The following TENM4 variants were observed in gnomAD, a reference collection of about 807,000 sequenced individuals.
TENM4 encodes teneurin transmembrane protein 4.
A neutral mutation model predicts 243.3 loss-of-function variants in TENM4; 82 were observed. The observed-to-expected ratio is 0.34, with a 90% CI of 0.28 to 0.40. The LOEUF (loss-of-function observed/expected upper bound fraction) is 0.40, where lower values mean the gene tolerates loss of function less well. TENM4 is among the 10% of genes least tolerant of loss of function. The pLI is 1.00. For synonymous variants in TENM4, 1,412 were observed against 1,456.3 expected (o/e 0.97, Z 0.69); for missense variants, 3,138 against 3,673.3 (o/e 0.85, Z 3.77).
At chr11:79,303,515 C>T (rs941126802) in intron 1 of TENM4, among the ~76,000 whole-genome samples, 16 of 152,312 alleles carry the variant, frequency 1.1e-4, no homozygotes, top group Middle Eastern at 3.4e-3. Flanking sequence ...GTGTGCCAGA[C>T]ATTGTCCTAA....
At chr11:78,823,083 C>A (rs1465422610) in intron 12 of TENM4, among the ~76,000 whole-genome samples, 1 of 152,206 alleles carries the variant, frequency 6.6e-6, no homozygotes, top group Non-Finnish European at 1.5e-5. Flanking sequence ...AGCGGTGCCC[C>A]GTGAGCACGT....
intron 1 of TENM4, among the ~76,000 whole-genome samples, chr11:79,354,141 G>T (rs1170224272): frequency 6.6e-6 from 1 of 152,208 alleles, no homozygotes; most frequent in Non-Finnish European, 1.5e-5. Flanking sequence ...AAGTTAAAAA[G>T]TGAAAGCTAC....
At chr11:79,138,764 A>G in intron 4 of TENM4, among the ~76,000 whole-genome samples, 3 of 113,484 alleles carry the variant, frequency 2.6e-5, no homozygotes, top group Non-Finnish European at 4.9e-5. Flanking sequence ...ATTTATATAA[A>G]TACATAAAAC....
intron 3 of TENM4, among the ~76,000 whole-genome samples, chr11:79,177,022 C>A (rs1418776476): frequency 6.6e-6 from 1 of 152,142 alleles, no homozygotes; most frequent in South Asian, 2.1e-4. Context: ...TAACCATACC[C>A]CTGACAGACT....
At chr11:78,992,899 A>G (rs537702174) in intron 6 of TENM4, among the ~76,000 whole-genome samples, 3 of 152,290 alleles carry the variant, frequency 2.0e-5, no homozygotes, top group Admixed American at 6.5e-5. Context: ...CACTCAATAA[A>G]TTGTGGTTTT....
At chr11:79,108,359 G>A (rs149169270) in intron 4 of TENM4, among the ~76,000 whole-genome samples, 23 of 152,294 alleles carry the variant, frequency 1.5e-4, no homozygotes, top group African/African-American at 5.3e-4. Context: ...CTTCAAGACT[G>A]CAGCATCAAC....
chr11:79,399,503 G>C (rs1190446717), intron 1 of TENM4, among the ~76,000 whole-genome samples: 1 of 152,162 alleles, frequency 6.6e-6, no homozygotes, highest in Admixed American at 6.5e-5. Flanking sequence ...GAATTTGAGA[G>C]GAGACCCTAA....
intron 2 of TENM4, among the ~76,000 whole-genome samples, chr11:79,283,693 C>T (rs1856199579): frequency 6.6e-6 from 1 of 152,130 alleles, no homozygotes. Context: ...GAATACTGTA[C>T]TGGAGGTTCT....
At chr11:79,234,320 A>G (rs771163538) in intron 2 of TENM4, among the ~76,000 whole-genome samples, 4 of 152,222 alleles carry the variant, frequency 2.6e-5, no homozygotes, top group Non-Finnish European at 5.9e-5. Context: ...CCTGAAAGCT[A>G]TAGAAAAAGC....
chr11:78,882,526 T>C (rs1005973896), intron 9 of TENM4, among the ~76,000 whole-genome samples: 3 of 152,286 alleles, frequency 2.0e-5, no homozygotes, highest in African/African-American at 7.2e-5. Flanking sequence ...CAAGAGGAGA[T>C]GGGGGAGTGA....
chr11:79,292,788 T>C (rs1263765743), intron 2 of TENM4, among the ~76,000 whole-genome samples: 1 of 152,280 alleles, frequency 6.6e-6, no homozygotes, highest in African/African-American at 2.4e-5. Context: ...TTAAGGTCTT[T>C]TCTTTAGTGT....
Position 79,115,096 on chromosome 11 carries a change from A to G in TENM4, c.-66+33614T>C, listed in dbSNP as rs1591293657. ...GGAGGGCTATGAAGAAAAATAAAGT[A>G]GGAAAGGGAGATAGTGAGGGCTGGT... On this transcript the variant is annotated intron_variant, in intron 4 of 33. Coordinates refer to ENST00000278550, the MANE Select transcript of TENM4 (RefSeq NM_001098816.3). Among the ~76,000 whole-genome samples, 3 of 152,182 alleles carry G rather than the reference A, an allele frequency of 2.0e-5. No homozygotes were observed. In the South Asian group the frequency reaches 6.2e-4, roughly 32 times the overall value.
chr11:79,176,580 T>C (rs1035015342), intron 3 of TENM4, among the ~76,000 whole-genome samples: 1 of 152,238 alleles, frequency 6.6e-6, no homozygotes, highest in Non-Finnish European at 1.5e-5. Context: ...TTCTCAATAG[T>C]ACTTTTAATT....
intron 3 of TENM4, among the ~76,000 whole-genome samples, chr11:79,213,225 T>G (rs776181533): frequency 6.6e-6 from 1 of 152,152 alleles, no homozygotes; most frequent in Non-Finnish European, 1.5e-5. Flanking sequence ...AATAGTAGCA[T>G]GTAAGCAAGT....
At chr11:79,399,912 A>T (rs2135554038) in intron 1 of TENM4, among the ~76,000 whole-genome samples, 1 of 152,278 alleles carries the variant, frequency 6.6e-6, no homozygotes, top group African/African-American at 2.4e-5. Flanking sequence ...TGGCTGGCAC[A>T]CAACCAACAC....
chr11:79,215,745 T>G, intron 3 of TENM4, 63 bp downstream of exon 3: 1 of 985,000 alleles, frequency 1.0e-6, no homozygotes, highest in Non-Finnish European at 1.2e-6. Flanking sequence ...GAGATTGCAT[T>G]TCTCATCAAG....
chr11:79,304,118 G>A (rs1856590862), intron 1 of TENM4, among the ~76,000 whole-genome samples: 1 of 152,166 alleles, frequency 6.6e-6, no homozygotes, highest in African/African-American at 2.4e-5. Flanking sequence ...TCCACTGGGT[G>A]TCTCACTGTA....
At chr11:79,439,597 A>T (rs1859353412) in intron 1 of TENM4, among the ~76,000 whole-genome samples, 1 of 147,434 alleles carries the variant, frequency 6.8e-6, no homozygotes, top group African/African-American at 2.5e-5. Flanking sequence ...AGAAGGACTC[A>T]CTAGGTGAAC....
At chr11:79,138,818 T>G (rs1862179631) in intron 4 of TENM4, among the ~76,000 whole-genome samples, 1 of 119,312 alleles carries the variant, frequency 8.4e-6, no homozygotes, top group African/African-American at 3.3e-5. Context: ...CATATTTATA[T>G]AAATATACAA....
Sources: allele counts gnomAD v4.1 joint callset (sites outside exome capture counted in the v4.1 genomes callset), GRCh38; gene constraint gnomAD v4.1.1; transcripts MANE v1.5; gene names NCBI Gene and HGNC (gene_info 2026-07-23, HGNC 2026-07-21).